Variants in SLC25A21 observed in about 807,000 individuals in gnomAD.
SLC25A21 encodes mitochondrial 2-oxodicarboxylate carrier.
A neutral mutation model predicts 43.8 loss-of-function variants in SLC25A21; 47 were observed. That is an observed-to-expected ratio of 1.07 (90% CI 0.85 to 1.37). The LOEUF (loss-of-function observed/expected upper bound fraction) is 1.37. Among genes scored for constraint, SLC25A21 ranks in the 40% most tolerant of loss-of-function variants. SLC25A21 has a pLI of 0.00. For synonymous variants in SLC25A21, 131 were observed against 121.3 expected (o/e 1.08, Z -0.52); for missense variants, 352 against 350.2 (o/e 1.00, Z -0.04).
intron 1 of SLC25A21, among the ~76,000 whole-genome samples, chr14:36,961,172 GTATCTATAGCTT>G (rs909488641): frequency 2.0e-5 from 3 of 151,662 alleles, no homozygotes; most frequent in Non-Finnish European, 4.4e-5. Flanking sequence ...TAAAACTTAG[GTATCTATAGCTT>G]TAGCAAGCCT....
chr14:36,928,236 T>A (rs1252223972), intron 1 of SLC25A21, among the ~76,000 whole-genome samples: 1 of 152,172 alleles, frequency 6.6e-6, no homozygotes, highest in East Asian at 1.9e-4. Context: ...AGTCACAGCA[T>A]AAGAATTTAT....
intron 1 of SLC25A21, among the ~76,000 whole-genome samples, chr14:37,146,657 A>G (rs1335552397): frequency 2.0e-5 from 3 of 152,308 alleles, no homozygotes; most frequent in African/African-American, 7.2e-5. Flanking sequence ...TTATTCAACA[A>G]TTAGTATTAT....
At chr14:36,922,324 CTCTA>C (rs1892003555) in intron 1 of SLC25A21, among the ~76,000 whole-genome samples, 1 of 151,986 alleles carries the variant, frequency 6.6e-6, no homozygotes, top group Non-Finnish European at 1.5e-5. Flanking sequence ...CCTAAGTTAT[CTCTA>C]TGATCGTTCC....
At chr14:36,711,055 A>C (rs1254934379) in intron 7 of SLC25A21, among the ~76,000 whole-genome samples, 1 of 152,224 alleles carries the variant, frequency 6.6e-6, no homozygotes, top group Non-Finnish European at 1.5e-5. Flanking sequence ...TTCTTCAAGA[A>C]GATAAATTTT....
chr14:36,955,920 C>A (rs1959328926), intron 1 of SLC25A21, among the ~76,000 whole-genome samples: 2 of 152,200 alleles, frequency 1.3e-5, no homozygotes, highest in South Asian at 4.1e-4. Flanking sequence ...GGTCAATAAA[C>A]TTGGTACCAG....
At chr14:37,046,622 T>C (rs1245423205) in intron 1 of SLC25A21, among the ~76,000 whole-genome samples, 2 of 152,200 alleles carry the variant, frequency 1.3e-5, no homozygotes, top group African/African-American at 4.8e-5. Flanking sequence ...GTCAACAAGA[T>C]AACAGCTTGA....
chr14:37,157,570 C>T (rs1325245628), intron 1 of SLC25A21, among the ~76,000 whole-genome samples: 1 of 151,904 alleles, frequency 6.6e-6, no homozygotes. Flanking sequence ...ATACCAAAAC[C>T]CATGGGATAC....
intron 1 of SLC25A21, among the ~76,000 whole-genome samples, chr14:37,123,078 T>C (rs971197760): frequency 1.3e-5 from 2 of 152,304 alleles, no homozygotes; most frequent in Middle Eastern, 3.4e-3. Flanking sequence ...ATATTACGAA[T>C]GAGAAGAATG....
intron 3 of SLC25A21, among the ~76,000 whole-genome samples, chr14:36,737,903 G>T (rs766358747): frequency 6.6e-6 from 1 of 152,166 alleles, no homozygotes; most frequent in Non-Finnish European, 1.5e-5. Flanking sequence ...GCCTAGTTAC[G>T]TCTGGCCTTT....
At chr14:36,974,582 G>C (rs1020282254) in intron 1 of SLC25A21, among the ~76,000 whole-genome samples, 6 of 152,078 alleles carry the variant, frequency 3.9e-5, no homozygotes, top group African/African-American at 1.2e-4. Context: ...ATCCAATTTG[G>C]CAAGAATATA....
At chr14:36,684,045 C>A (rs74348084) in intron 8 of SLC25A21, among the ~76,000 whole-genome samples, 165 bp from the exon 9 acceptor site, 18 of 152,116 alleles carry the variant, frequency 1.2e-4, no homozygotes, top group Non-Finnish European at 2.9e-5. Flanking sequence ...AAACTGGATG[C>A]GGGGAAAGAG....
At position 36,951,999 on chromosome 14, in the gene SLC25A21, C is replaced by T. The variant is rs559888984; in HGVS notation, c.71-76995G>A. On this transcript the variant is annotated intron_variant, in intron 1 of 9. Transcript: ENST00000331299. ...CCTGTAATCCCAGCACTTTGGGAGGCCAAGGAGGGCAGATCACTTAGGTCA... is the reference window on the plus strand; with the variant it reads ...CCTGTAATCCCAGCACTTTGGGAGGTCAAGGAGGGCAGATCACTTAGGTCA... 1.1e-4 allele frequency among the ~76,000 whole-genome samples: 16 copies of T among 152,104 alleles called. No homozygotes were observed. The East Asian group carries it at 2.7e-3, about 26-fold the overall frequency.
At chr14:36,934,945 C>T (rs1015492199) in intron 1 of SLC25A21, among the ~76,000 whole-genome samples, 1 of 151,690 alleles carries the variant, frequency 6.6e-6, no homozygotes, top group Non-Finnish European at 1.5e-5. Context: ...CTACCTTTCC[C>T]GCAGAAAGAA....
At chr14:36,703,670 T>G (rs1461468068) in intron 7 of SLC25A21, among the ~76,000 whole-genome samples, 1 of 152,236 alleles carries the variant, frequency 6.6e-6, no homozygotes, top group Non-Finnish European at 1.5e-5. Context: ...AGACAGCTGT[T>G]TCCACTATTA....
intron 1 of SLC25A21, among the ~76,000 whole-genome samples, chr14:37,030,931 T>C (rs1299064464): frequency 6.6e-6 from 1 of 152,226 alleles, no homozygotes; most frequent in African/African-American, 2.4e-5. Flanking sequence ...CTCCTTTGTT[T>C]CCTTTATCAT....
chr14:36,942,420 C>A (rs997692884), intron 1 of SLC25A21, among the ~76,000 whole-genome samples: 6 of 152,098 alleles, frequency 3.9e-5, no homozygotes, highest in Non-Finnish European at 7.4e-5. Context: ...TAGTGGCGGA[C>A]GGCGGTAGGA....
intron 2 of SLC25A21, among the ~76,000 whole-genome samples, chr14:36,868,694 C>T (rs751851089): frequency 5.9e-5 from 9 of 152,298 alleles, no homozygotes; most frequent in South Asian, 4.1e-4. Context: ...CCTTCAAAAA[C>T]GACAGTATGT....
chr14:36,938,478 G>A (rs1481387718), intron 1 of SLC25A21, among the ~76,000 whole-genome samples: 1 of 152,116 alleles, frequency 6.6e-6, no homozygotes, highest in Admixed American at 6.6e-5. Flanking sequence ...AGCAGGTTTG[G>A]TGTCCTTGTC....
chr14:36,933,105 A>T (rs1409262330), intron 1 of SLC25A21, among the ~76,000 whole-genome samples: 1 of 152,172 alleles, frequency 6.6e-6, no homozygotes, highest in African/African-American at 2.4e-5. Flanking sequence ...AATAACTAAA[A>T]TAAGGGCACA....
Sources: allele counts gnomAD v4.1 joint callset (sites outside exome capture counted in the v4.1 genomes callset), GRCh38; gene constraint gnomAD v4.1.1; transcripts MANE v1.5; gene names NCBI Gene and HGNC (gene_info 2026-07-23, HGNC 2026-07-21).